The following ZSWIM5 variants were observed in gnomAD, a reference collection of about 807,000 sequenced individuals.
ZSWIM5 encodes zinc finger SWIM-type containing 5.
ZSWIM5 carries 55 observed loss-of-function variants against 119.6 expected under a neutral mutation model. That is an observed-to-expected ratio of 0.46 (90% CI 0.37 to 0.58). The LOEUF is 0.58. ZSWIM5 is among the 20% of genes least tolerant of loss of function. The pLI is 0.00. For missense variants in ZSWIM5, 1,193 were observed against 1,512.8 expected (o/e 0.79, Z 3.51); for synonymous variants, 537 against 606.9 (o/e 0.88, Z 1.69).
intron 9 of ZSWIM5, 67 bp from the exon 10 acceptor site, chr1:45,035,890 C>T: frequency 6.3e-7 from 1 of 1,594,378 alleles, no homozygotes. Flanking sequence ...GACTTGAGCC[C>T]CAGTATCTCA....
chr1:45,111,357 T>C (rs555751702), intron 1 of ZSWIM5, among the ~76,000 whole-genome samples: 1 of 152,294 alleles, frequency 6.6e-6, no homozygotes, highest in South Asian at 2.1e-4. Flanking sequence ...CAGACTGTTA[T>C]ACATAGAAAC....
intron 2 of ZSWIM5, among the ~76,000 whole-genome samples, chr1:45,077,442 G>C (rs552531939): frequency 6.6e-6 from 1 of 152,280 alleles, no homozygotes; most frequent in East Asian, 1.9e-4. Flanking sequence ...CAAACGGGGA[G>C]GGAGTGTGCG....
intron 2 of ZSWIM5, among the ~76,000 whole-genome samples, chr1:45,068,237 G>C (rs1306712019): frequency 1.3e-5 from 2 of 151,190 alleles, no homozygotes; most frequent in African/African-American, 4.9e-5. Context: ...CAAGTGGCTG[G>C]GATTACAGGT....
intron 1 of ZSWIM5, among the ~76,000 whole-genome samples, chr1:45,176,154 T>TTA (rs1324834704): frequency 6.1e-5 from 9 of 148,616 alleles, no homozygotes; most frequent in Non-Finnish European, 1.0e-4. Flanking sequence ...ATAATATATA[T>TTA]TATATATATA....
At chr1:45,098,548 C>G (rs1160545114) in intron 1 of ZSWIM5, among the ~76,000 whole-genome samples, 2 of 152,158 alleles carry the variant, frequency 1.3e-5, no homozygotes, top group Non-Finnish European at 2.9e-5. Context: ...CCAAGCAGAC[C>G]TAATAGACAT....
At chr1:45,166,175 A>T (rs919899304) in intron 1 of ZSWIM5, among the ~76,000 whole-genome samples, 1 of 152,166 alleles carries the variant, frequency 6.6e-6, no homozygotes, top group Non-Finnish European at 1.5e-5. Context: ...ATGCAAATCA[A>T]TAAACGTAAT....
At chr1:45,156,360 G>GGGT in intron 1 of ZSWIM5, among the ~76,000 whole-genome samples, 1 of 151,638 alleles carries the variant, frequency 6.6e-6, no homozygotes, top group African/African-American at 2.4e-5. Flanking sequence ...ATGGGTGACA[G>GGGT]GATCAATCAT....
rs377664405 is a variant in ZSWIM5, at chr1:45,176,287, C to T, written c.595+29469G>A. On this transcript the variant is annotated intron_variant, in intron 1 of 13. Transcript: ENST00000359600. ...TTCTTATCTTATTTTATTTTTCAGACGGAGTCTTGCTTGTTGCCCAGGCTG... is the reference window on the plus strand; with the variant it reads ...TTCTTATCTTATTTTATTTTTCAGATGGAGTCTTGCTTGTTGCCCAGGCTG... 3.6e-4 allele frequency among the ~76,000 whole-genome samples: 55 copies of T among 151,884 alleles called. 2 individuals are homozygous for T. The highest frequency in any genetic ancestry group is 1.3e-3 in the African/African-American group (54 of 41,470).
chr1:45,090,375 T>C (rs965023908), intron 1 of ZSWIM5, among the ~76,000 whole-genome samples: 2 of 152,210 alleles, frequency 1.3e-5, no homozygotes, highest in African/African-American at 2.4e-5. Context: ...TTTACTATCA[T>C]TTGTTTAAAG....
Position 45,040,409 on chromosome 1 carries a change from T to C in ZSWIM5, c.1739A>G (p.Tyr580Cys), listed in dbSNP as rs1645012022. 6.2e-7 allele frequency: 1 copy of C among 1,611,034 alleles called. No individual in the cohort carries two copies. The highest frequency in any genetic ancestry group is 1.3e-5 in the African/African-American group (1 of 74,956). ...TACTATACCTTTCTTCTGATGCTTGTAGATTTCCAGTTGCCGCTGCTGCTG... is the reference window on the plus strand; with the variant it reads ...TACTATACCTTTCTTCTGATGCTTGCAGATTTCCAGTTGCCGCTGCTGCTG... ...RLQQQRQLEIYKHQKKELLQR... is the reference protein window; with the variant it reads ...RLQQQRQLEICKHQKKELLQR... Residue 580 changes from tyrosine (Y) to cysteine (C), a missense_variant, in exon 7 of 14, where the codon TAC (tyrosine) becomes TGC (cysteine). By Grantham distance (194) the Tyr-to-Cys change is radical. Coordinates refer to ENST00000359600, the MANE Select transcript of ZSWIM5 (RefSeq NM_020883.2).
intron 5 of ZSWIM5, among the ~76,000 whole-genome samples, chr1:45,048,064 TC>T (rs1557747885): frequency 3.5e-4 from 5 of 14,200 alleles, no homozygotes; most frequent in Non-Finnish European, 8.5e-4. Flanking sequence ...TTTCTTTCTT[TC>T]TTTCCTTTTC....
intron 1 of ZSWIM5, among the ~76,000 whole-genome samples, chr1:45,203,319 T>C (rs1646168870): frequency 6.6e-6 from 1 of 152,152 alleles, no homozygotes; most frequent in South Asian, 2.1e-4. Flanking sequence ...TTGTTTGTTT[T>C]TAATTTATTT....
Position 45,206,013 on chromosome 1 carries a change from G to A in ZSWIM5, c.338C>T (p.Ser113Phe), listed in dbSNP as rs2149059836. ...GGGGCCGCCCCGGTACTGGAAGCTGGAGTACATGCAGATCTCCCGCTCATT... is the reference window on the plus strand; with the variant it reads ...GGGGCCGCCCCGGTACTGGAAGCTGAAGTACATGCAGATCTCCCGCTCATT... ...PRNEREICMY[S>F]SFQYRGGPGA... Residue 113 changes from serine (S) to phenylalanine (F), a missense_variant, in exon 1 of 14, where the codon TCC (serine) becomes TTC (phenylalanine). Around this residue, in one of 2 missense-constraint regions of ZSWIM5, gnomAD observed 232 missense variants for 222.9 expected, o/e 1.04. Coordinates refer to ENST00000359600, the MANE Select transcript of ZSWIM5 (RefSeq NM_020883.2). The A allele has an allele frequency of 3.1e-6, 5 of 1,590,564 alleles. No individual in the cohort carries two copies. The highest frequency in any genetic ancestry group is 4.3e-6 in the Non-Finnish European group (5 of 1,170,110).
At chr1:45,095,650 G>C (rs1415643115) in intron 1 of ZSWIM5, among the ~76,000 whole-genome samples, 5 of 152,118 alleles carry the variant, frequency 3.3e-5, no homozygotes, top group Non-Finnish European at 5.9e-5. Context: ...ATCACATCAG[G>C]AGACATATAA....
intron 1 of ZSWIM5, among the ~76,000 whole-genome samples, chr1:45,160,079 G>C (rs1248785223): frequency 6.6e-6 from 1 of 152,136 alleles, no homozygotes; most frequent in Admixed American, 6.5e-5. Flanking sequence ...AGGGTCTGCT[G>C]TAATTTTTAA....
chr1:45,149,348 A>G (rs1645782081), intron 1 of ZSWIM5, among the ~76,000 whole-genome samples: 1 of 152,220 alleles, frequency 6.6e-6, no homozygotes, highest in Non-Finnish European at 1.5e-5. Context: ...CTAACTGAAA[A>G]TCATACTACG....
chr1:45,069,104 A>T (rs1193810392), intron 2 of ZSWIM5, among the ~76,000 whole-genome samples: 1 of 151,308 alleles, frequency 6.6e-6, no homozygotes, highest in Non-Finnish European at 1.5e-5. Flanking sequence ...GAACCATCCC[A>T]CCCAGTCAGA....
chr1:45,070,241 A>G, intron 2 of ZSWIM5: 1 of 1,467,714 alleles, frequency 6.8e-7, no homozygotes, highest in South Asian at 1.1e-5. Context: ...CATGTTCATC[A>G]GTCACAGAAC....
chr1:45,205,687 C>G, intron 1 of ZSWIM5, 69 bp downstream of exon 1: 1 of 1,401,064 alleles, frequency 7.1e-7, no homozygotes, highest in Non-Finnish European at 9.4e-7. Flanking sequence ...GGCCCCAGGG[C>G]TCGGGCCGAG....
Sources: allele counts gnomAD v4.1 joint callset (sites outside exome capture counted in the v4.1 genomes callset), GRCh38; gene constraint gnomAD v4.1.1; regional missense constraint gnomAD v4.1.1; transcripts MANE v1.5; gene names NCBI Gene and HGNC (gene_info 2026-07-23, HGNC 2026-07-21).